EBF2: variants seen among roughly 807,000 people sequenced by gnomAD.
EBF2 encodes transcription factor COE2.
Under a neutral mutation model 72.8 loss-of-function variants are expected in EBF2, and 21 were observed. The observed-to-expected ratio is 0.29, with a 90% CI of 0.20 to 0.42. The LOEUF (loss-of-function observed/expected upper bound fraction) is 0.42, where lower values mean the gene tolerates loss of function less well. Ranked by LOEUF, EBF2 falls within the 10% of genes least tolerant of loss-of-function variation. The probability of loss-of-function intolerance (pLI) is 1.00; values close to 1 mark genes in which losing one functional copy is unlikely to be tolerated. For synonymous variants in EBF2, 299 were observed against 274.2 expected, an observed-to-expected ratio of 1.09 and a Z score of -0.89; for missense variants, 637 against 731.2, an observed-to-expected ratio of 0.87 and a Z score of 1.49.
At chr8:25,852,788 C>CTGAA (rs1554559841) in intron 14 of EBF2, among the ~76,000 whole-genome samples, 1 of 152,166 alleles carries the variant, frequency 6.6e-6, no homozygotes, top group African/African-American at 2.4e-5. Flanking sequence ...AATAAAAATG[C>CTGAA]TGAAAGGAAT....
chr8:25,874,079 T>G (rs1026200656), intron 10 of EBF2, among the ~76,000 whole-genome samples: 8 of 152,194 alleles, frequency 5.3e-5, no homozygotes, highest in African/African-American at 1.4e-4. Context: ...TAGTTGTACT[T>G]GGGCCAGTTT....
intron 6 of EBF2, among the ~76,000 whole-genome samples, chr8:25,986,746 T>G (rs1462181857): frequency 6.6e-6 from 1 of 152,242 alleles, no homozygotes; most frequent in Admixed American, 6.5e-5. Flanking sequence ...AACAATACTC[T>G]GTCAGTTGTA....
intron 14 of EBF2, among the ~76,000 whole-genome samples, chr8:25,852,067 A>AC (rs1329308968): frequency 6.6e-6 from 1 of 152,232 alleles, no homozygotes; most frequent in African/African-American, 2.4e-5. Context: ...AGTAGTCTTG[A>AC]TTTAAGGAGC....
At chr8:25,994,269 A>G (rs188845917) in intron 6 of EBF2, among the ~76,000 whole-genome samples, 112 of 152,294 alleles carry the variant, frequency 7.4e-4, no homozygotes, top group African/African-American at 2.5e-3. Flanking sequence ...ATAGTAGCCA[A>G]ATTTATTATT....
intron 6 of EBF2, among the ~76,000 whole-genome samples, chr8:25,939,481 G>A (rs1803634092): frequency 6.6e-6 from 1 of 152,070 alleles, no homozygotes; most frequent in African/African-American, 2.4e-5. Context: ...GTCTGGGTCA[G>A]CCCAAAAAAC....
intron 6 of EBF2, among the ~76,000 whole-genome samples, chr8:26,000,226 G>C (rs747019661): frequency 6.6e-6 from 1 of 152,158 alleles, no homozygotes; most frequent in Non-Finnish European, 1.5e-5. Context: ...GGTACAAAGG[G>C]TGATGTATAT....
At chr8:25,897,841 C>T (rs527631497) in intron 7 of EBF2, among the ~76,000 whole-genome samples, 13 of 152,226 alleles carry the variant, frequency 8.5e-5, no homozygotes, top group Non-Finnish European at 1.9e-4. Flanking sequence ...GCATGTCTTT[C>T]GGGTAGAACA....
At chr8:25,987,632 G>C (rs1318024181) in intron 6 of EBF2, among the ~76,000 whole-genome samples, 1 of 152,188 alleles carries the variant, frequency 6.6e-6, no homozygotes, top group African/African-American at 2.4e-5. Context: ...AGCACACAAA[G>C]ATTAAGTTTT....
At chr8:25,977,339 A>C (rs1475638585) in intron 6 of EBF2, among the ~76,000 whole-genome samples, 1 of 152,152 alleles carries the variant, frequency 6.6e-6, no homozygotes, top group Admixed American at 6.5e-5. Context: ...AGCCCAGCTG[A>C]ACCCAATTCC....
intron 6 of EBF2, among the ~76,000 whole-genome samples, chr8:26,026,595 T>C (rs192874443): frequency 3.6e-4 from 55 of 152,290 alleles, no homozygotes; most frequent in African/African-American, 1.3e-3. Flanking sequence ...GGACATTCTG[T>C]CAAATCTGTC....
intron 7 of EBF2, among the ~76,000 whole-genome samples, chr8:25,907,433 A>AT (rs1223057835): frequency 6.1e-5 from 9 of 148,002 alleles, no homozygotes; most frequent in African/African-American, 2.2e-4. Context: ...AAAAAAAAAA[A>AT]AAAAAAAAAA....
intron 6 of EBF2, chr8:26,032,529 T>A (rs1805426587): frequency 6.6e-6 from 1 of 152,238 alleles, no homozygotes. Context: ...CAGCTGAGGA[T>A]GCCTAAATCA....
intron 5 of EBF2, among the ~76,000 whole-genome samples, chr8:26,037,025 T>C (rs761909453): frequency 1.4e-4 from 21 of 152,188 alleles, no homozygotes; most frequent in Middle Eastern, 3.2e-3. Context: ...TGAATGAAAA[T>C]GAAAGCTGTT....
intron 10 of EBF2, among the ~76,000 whole-genome samples, chr8:25,867,236 G>A (rs1020634059): frequency 6.6e-6 from 1 of 152,160 alleles, no homozygotes. Flanking sequence ...TATTTCATAT[G>A]AGCTTTGAAA....
chr8:26,032,934 C>A, intron 6 of EBF2, 151 bp downstream of exon 6: 1 of 660,234 alleles, frequency 1.5e-6, no homozygotes, highest in Non-Finnish European at 2.6e-6. Context: ...CCAAGAAAGG[C>A]CAGCATGAGG....
chr8:25,909,357 C>A (rs1426521537), intron 6 of EBF2, among the ~76,000 whole-genome samples: 4 of 150,920 alleles, frequency 2.7e-5, no homozygotes, highest in Non-Finnish European at 4.4e-5. Flanking sequence ...AAATTTGTTT[C>A]AAAATACAGT....
chr8:25,948,415 T>C (rs898230171), intron 6 of EBF2, among the ~76,000 whole-genome samples: 1 of 152,198 alleles, frequency 6.6e-6, no homozygotes, highest in Non-Finnish European at 1.5e-5. Flanking sequence ...GGAAGCAGAA[T>C]AGCTCCTTGC....
At chr8:25,993,642 C>T (rs1804579378) in intron 6 of EBF2, among the ~76,000 whole-genome samples, 1 of 152,184 alleles carries the variant, frequency 6.6e-6, no homozygotes, top group Non-Finnish European at 1.5e-5. Flanking sequence ...CCGGGGGAAA[C>T]TGCAACCACT....
chr8:26,040,536 G>A lies in EBF2; in HGVS notation c.408+80C>T, dbSNP rs1318903027. 3.0e-6 allele frequency: 4 copies of A among 1,352,712 alleles called. No homozygotes were observed. In the African/African-American group the frequency reaches 4.3e-5, roughly 15 times the overall value. The allele number at this position is 1,352,712 out of a possible 1,614,324, so 83.8% of individuals were successfully genotyped here. A position where few individuals can be genotyped will look rare whatever the true frequency, so the allele number is the denominator to read the frequency against. On this transcript the variant is annotated intron_variant, in intron 4 of 15. Coordinates refer to ENST00000520164, the MANE Select transcript of EBF2 (RefSeq NM_022659.4). ...CTGACCCAGGAAATCGTGGAGGAGG[G>A]GCAGGTCAGAAACAAACTGGGGGGT...
Sources: allele counts gnomAD v4.1 joint callset (sites outside exome capture counted in the v4.1 genomes callset), GRCh38; gene constraint gnomAD v4.1.1; transcripts MANE v1.5; gene names NCBI Gene and HGNC (gene_info 2026-07-23, HGNC 2026-07-21).